Variants in RBFOX2 observed in about 807,000 individuals in gnomAD.
RBFOX2 encodes the protein RNA binding protein fox-1 homolog 2.
In RBFOX2, 10 loss-of-function variants were observed where a neutral mutation model predicts 49.1. The ratio of observed to expected loss-of-function variants is 0.20; its 90% CI spans 0.13 to 0.35. RBFOX2 has a LOEUF of 0.35. Among genes scored for constraint, RBFOX2 ranks in the 10% least tolerant of loss-of-function variants. The pLI, the probability that RBFOX2 is intolerant of heterozygous loss-of-function variation, is 1.00. For missense variants in RBFOX2, 323 were observed against 486.9 expected (o/e 0.66, Z 3.17); for synonymous variants, 183 against 187.4 (o/e 0.98, Z 0.19).
chr22:35,989,407 G>A (rs377762861), intron 1 of RBFOX2, among the ~76,000 whole-genome samples: 3 of 152,208 alleles, frequency 2.0e-5, no homozygotes, highest in Admixed American at 2.0e-4. Flanking sequence ...GGCATTCCAA[G>A]GACAAAGATG....
At chr22:35,835,927 A>C (rs1957571901) in intron 1 of RBFOX2, among the ~76,000 whole-genome samples, 1 of 152,078 alleles carries the variant, frequency 6.6e-6, no homozygotes, top group East Asian at 1.9e-4. Flanking sequence ...AAGAAACCAA[A>C]TCTCTGGAAA....
At chr22:35,777,229 C>G (rs1244007100) in intron 4 of RBFOX2, among the ~76,000 whole-genome samples, 2 of 152,104 alleles carry the variant, frequency 1.3e-5, no homozygotes, top group African/African-American at 2.4e-5. Context: ...CCAGGCTGGT[C>G]TCGAACTCCT....
intron 1 of RBFOX2, chr22:35,897,848 C>T (rs1427162733): frequency 1.4e-6 from 1 of 739,520 alleles, no homozygotes; most frequent in South Asian, 1.4e-5. Context: ...TTCTCTCCAA[C>T]AGCCTTCTTT....
intron 1 of RBFOX2, among the ~76,000 whole-genome samples, chr22:35,916,268 G>A (rs1016342015): frequency 1.3e-5 from 2 of 152,098 alleles, no homozygotes; most frequent in Non-Finnish European, 2.9e-5. Context: ...CTTATAGAGA[G>A]AATGGGTGTT....
At chr22:35,939,373 G>A (rs2053464517), upstream of RBFOX2, among the ~76,000 whole-genome samples, 1 of 152,106 alleles carries the variant, frequency 6.6e-6, no homozygotes, top group Non-Finnish European at 1.5e-5. Flanking sequence ...TCTTAACCCA[G>A]AAAAGTTTTA....
chr22:35,988,843 G>C (rs867938781), intron 1 of RBFOX2, among the ~76,000 whole-genome samples: 1 of 152,206 alleles, frequency 6.6e-6, no homozygotes. Context: ...TTCAGCAGCT[G>C]GGTAAATGGT....
intron 1 of RBFOX2, among the ~76,000 whole-genome samples, chr22:35,905,990 G>A (rs1028316469): frequency 1.1e-4 from 16 of 152,064 alleles, no homozygotes; most frequent in African/African-American, 3.9e-4. Flanking sequence ...CAGCCTAAAG[G>A]CATTAGGCTG....
upstream of RBFOX2, among the ~76,000 whole-genome samples, chr22:35,962,618 A>G (rs1046263741): frequency 1.3e-5 from 2 of 152,204 alleles, no homozygotes; most frequent in African/African-American, 4.8e-5. Context: ...CTTGAACCAC[A>G]GGCAGTTCCT....
At position 35,809,762 on chromosome 22, in the gene RBFOX2, A is replaced by G. The variant is rs781660615; in HGVS notation, c.252+18T>C. 6.2e-7 allele frequency: 1 copy of G among 1,606,496 alleles called. No homozygotes were observed. Among genetic ancestry groups the G allele is most frequent in the South Asian group, 1.1e-5 (1 of 90,764 alleles). ...ATTGCCATGCATCCTTCCATTTTTCACCTCATGGTCCACGTACCGTAAGAG... is the reference window on the plus strand; with the variant it reads ...ATTGCCATGCATCCTTCCATTTTTCGCCTCATGGTCCACGTACCGTAAGAG... On this transcript the variant is annotated intron_variant, in intron 2 of 11. Coordinates refer to ENST00000405409, the Ensembl canonical transcript of RBFOX2.
chr22:35,764,836 G>GT (rs532851761), intron 6 of RBFOX2, among the ~76,000 whole-genome samples: 504 of 152,174 alleles, frequency 3.3e-3, no homozygotes, highest in Non-Finnish European at 5.9e-3. Context: ...GGTAACTGAT[G>GT]TAACAAATTA....
chr22:35,772,730 C>T (rs951578008), intron 4 of RBFOX2, among the ~76,000 whole-genome samples: 1 of 152,150 alleles, frequency 6.6e-6, no homozygotes, highest in African/African-American at 2.4e-5. Context: ...GTAGTTAAAA[C>T]TTCTACAAAG....
chr22:35,840,540 C>T lies in RBFOX2; in HGVS notation c.-322G>A, dbSNP rs1203549832. The T allele has an allele frequency of 3.3e-6, 4 of 1,213,068 alleles. No homozygotes were observed. In the East Asian group the frequency reaches 1.7e-4, roughly 50 times the overall value. 75.1% of individuals were successfully genotyped at this position (1,213,068 alleles called of 1,614,324 possible). A position where few individuals can be genotyped will look rare whatever the true frequency, so the allele number is the denominator to read the frequency against. On this transcript the variant is annotated 5_prime_UTR_variant, in exon 1 of 12. Transcript: ENST00000405409. ...CTCTTCCTCCTCCCCCCACCCCCTC[C>T]CAGCAGGCTGACATCTCCCAACTCC... is the stretch of plus-strand genomic sequence containing the variant.
chr22:36,005,188 C>T (rs979006173), intron 1 of RBFOX2, among the ~76,000 whole-genome samples: 1 of 152,190 alleles, frequency 6.6e-6, no homozygotes, highest in Non-Finnish European at 1.5e-5. Flanking sequence ...TTCTACAATA[C>T]TAAGCAACCT....
At chr22:35,878,162 C>T (rs539932805) in intron 1 of RBFOX2, among the ~76,000 whole-genome samples, 2 of 151,886 alleles carry the variant, frequency 1.3e-5, no homozygotes, top group East Asian at 1.9e-4. Context: ...TGTGGGAGGC[C>T]GAGGTTGGTG....
chr22:35,969,528 C>T (rs1036445983), intron 1 of RBFOX2, among the ~76,000 whole-genome samples: 16 of 152,010 alleles, frequency 1.1e-4, no homozygotes, highest in Admixed American at 8.5e-4. Context: ...GAGCCGAGAT[C>T]GCACCACTGC....
chr22:36,003,743 C>G (rs1349449953), intron 1 of RBFOX2, among the ~76,000 whole-genome samples: 1 of 152,214 alleles, frequency 6.6e-6, no homozygotes, highest in East Asian at 1.9e-4. Flanking sequence ...TAATGACTAT[C>G]TAGCATGGTG....
chr22:35,775,483 A>G (rs1361850049), intron 4 of RBFOX2, among the ~76,000 whole-genome samples: 2 of 152,220 alleles, frequency 1.3e-5, no homozygotes, highest in Admixed American at 6.5e-5. Flanking sequence ...TCTCAAAGAG[A>G]AAGCTCATGT....
intron 1 of RBFOX2, among the ~76,000 whole-genome samples, chr22:36,025,097 T>G (rs1311712572): frequency 6.6e-6 from 1 of 152,186 alleles, no homozygotes; most frequent in Non-Finnish European, 1.5e-5. Flanking sequence ...CGTGAGCCAC[T>G]GCGCCCGGCT....
At chr22:35,891,479 A>C (rs577025392) in intron 1 of RBFOX2, among the ~76,000 whole-genome samples, 1 of 152,316 alleles carries the variant, frequency 6.6e-6, no homozygotes, top group East Asian at 1.9e-4. Flanking sequence ...TATTTGCAAC[A>C]GCTGGCTCTA....
Sources: gnomAD v4.1 joint callset for allele counts (sites outside exome capture counted in the v4.1 genomes callset) on GRCh38, gnomAD v4.1.1 for gene constraint, MANE v1.5 for transcripts, NCBI Gene and HGNC (gene_info 2026-07-23, HGNC 2026-07-21) for gene names.